The following RTN1 variants were observed in gnomAD, a reference collection of about 807,000 sequenced individuals.
RTN1 encodes reticulon 1.
Under a neutral mutation model 65.5 loss-of-function variants are expected in RTN1, and 25 were observed. The observed-to-expected ratio is 0.38, with a 90% CI of 0.28 to 0.53. The LOEUF (loss-of-function observed/expected upper bound fraction) is 0.53, where lower values mean the gene tolerates loss of function less well. Ranked by LOEUF, RTN1 falls within the 20% of genes least tolerant of loss-of-function variation. RTN1 has a pLI of 0.79. For synonymous variants in RTN1, 471 were observed against 447.6 expected (o/e 1.05, Z -0.66); for missense variants, 983 against 1,025.4 (o/e 0.96, Z 0.57).
At chr14:59,692,648 C>T (rs1277727172) in intron 3 of RTN1, among the ~76,000 whole-genome samples, 2 of 152,050 alleles carry the variant, frequency 1.3e-5, no homozygotes, top group African/African-American at 4.8e-5. Context: ...ATTATATTGC[C>T]CAACTTCAAA....
intron 3 of RTN1, among the ~76,000 whole-genome samples, chr14:59,683,453 G>GA (rs10711795): frequency 9.4e-5 from 14 of 148,706 alleles, no homozygotes; most frequent in Admixed American, 3.4e-4. Context: ...TTAGAAAATT[G>GA]AAAAAAAAAA....
At chr14:59,712,325 G>T (rs1884440785) in intron 3 of RTN1, among the ~76,000 whole-genome samples, 1 of 152,140 alleles carries the variant, frequency 6.6e-6, no homozygotes, top group African/African-American at 2.4e-5. Context: ...AGAAAATACT[G>T]ATCTACAGAT....
intron 3 of RTN1, among the ~76,000 whole-genome samples, chr14:59,677,630 G>A (rs1334634680): frequency 2.6e-5 from 4 of 152,200 alleles, no homozygotes; most frequent in Non-Finnish European, 5.9e-5. Context: ...TTCTGGTCCT[G>A]AGGCGGGAGA....
intron 3 of RTN1, among the ~76,000 whole-genome samples, chr14:59,679,988 G>A (rs1029448784): frequency 3.2e-4 from 48 of 152,128 alleles, no homozygotes; most frequent in African/African-American, 1.1e-3. Flanking sequence ...TTGGTGTGTT[G>A]TGCAACCTCT....
At chr14:59,601,700 T>C (rs1416739390) in intron 8 of RTN1, among the ~76,000 whole-genome samples, 1 of 152,198 alleles carries the variant, frequency 6.6e-6, no homozygotes, top group Non-Finnish European at 1.5e-5. Context: ...TTCTTTGCTA[T>C]AGTTTATGAA....
At chr14:59,749,440 ATATC>A (rs1192708651) in intron 1 of RTN1, among the ~76,000 whole-genome samples, 13 of 102,456 alleles carry the variant, frequency 1.3e-4, no homozygotes, top group African/African-American at 5.4e-4. Context: ...ATATATATCT[ATATC>A]TATATATATC....
At chr14:59,703,869 T>G (rs1173630812) in intron 3 of RTN1, among the ~76,000 whole-genome samples, 2 of 152,222 alleles carry the variant, frequency 1.3e-5, no homozygotes, top group African/African-American at 4.8e-5. Flanking sequence ...AATGGCACAC[T>G]GCTCAGTCAG....
Position 59,794,797 on chromosome 14 carries a change from T to C in RTN1, c.242-48316A>G, listed in dbSNP as rs562664840. ...TAGCATACATCACTTGTAGTCATAGTCTATTGACCAGAGGATGGTTATATG... is the reference window on the plus strand; with the variant it reads ...TAGCATACATCACTTGTAGTCATAGCCTATTGACCAGAGGATGGTTATATG... On this transcript the variant is annotated intron_variant, in intron 1 of 8. Coordinates refer to ENST00000267484, the MANE Select transcript of RTN1 (RefSeq NM_021136.3). This position sits in a 1 kb window ranked among gnomAD's most constrained non-coding sequence, Gnocchi z 5.1. 6.2e-4 allele frequency among the ~76,000 whole-genome samples: 95 copies of C among 152,348 alleles called. No individual in the cohort carries two copies. The South Asian group carries it at 7.7e-3, about 12-fold the overall frequency.
chr14:59,802,654 C>G (rs1272266763), intron 1 of RTN1, among the ~76,000 whole-genome samples: 1 of 152,142 alleles, frequency 6.6e-6, no homozygotes, highest in Non-Finnish European at 1.5e-5. Flanking sequence ...TCTTTAGTTA[C>G]CATTTGCAAT....
At chr14:59,729,631 C>G (rs1370103304) in intron 2 of RTN1, among the ~76,000 whole-genome samples, 7 of 152,214 alleles carry the variant, frequency 4.6e-5, no homozygotes, top group African/African-American at 1.7e-4. Flanking sequence ...AAGAAATATT[C>G]TGTACCTCCA....
At chr14:59,746,631 A>T in intron 1 of RTN1, 150 bp from the exon 2 acceptor site, 1 of 631,652 alleles carries the variant, frequency 1.6e-6, no homozygotes, top group South Asian at 2.2e-5. Flanking sequence ...TCAGAGCACC[A>T]GCATGTTAAA....
At chr14:59,834,513 A>G (rs1395427340) in intron 1 of RTN1, among the ~76,000 whole-genome samples, 1 of 152,232 alleles carries the variant, frequency 6.6e-6, no homozygotes, top group Non-Finnish European at 1.5e-5. Flanking sequence ...AAACTCAATA[A>G]TAAGAAAAAA....
At chr14:59,776,202 G>T (rs1211857778) in intron 1 of RTN1, among the ~76,000 whole-genome samples, 1 of 152,084 alleles carries the variant, frequency 6.6e-6, no homozygotes, top group African/African-American at 2.4e-5. Flanking sequence ...GTCCCCCAAA[G>T]TTCATGTGTT....
chr14:59,773,204 T>G (rs1354164723), intron 1 of RTN1, among the ~76,000 whole-genome samples: 1 of 152,138 alleles, frequency 6.6e-6, no homozygotes, highest in Non-Finnish European at 1.5e-5. Context: ...AATCTAAATC[T>G]ATGAGACATA....
intron 3 of RTN1, among the ~76,000 whole-genome samples, chr14:59,646,516 T>C (rs1457674460): frequency 6.6e-6 from 1 of 152,166 alleles, no homozygotes; most frequent in East Asian, 1.9e-4. Flanking sequence ...AATCAGACTT[T>C]CCAGGGTCAA....
intron 1 of RTN1, among the ~76,000 whole-genome samples, chr14:59,832,880 C>T (rs185721657): frequency 6.6e-6 from 1 of 152,188 alleles, no homozygotes; most frequent in Non-Finnish European, 1.5e-5. Flanking sequence ...TCCCTCCTCT[C>T]CTCACTGCTC....
At chr14:59,645,292 A>G (rs1882866551) in intron 3 of RTN1, among the ~76,000 whole-genome samples, 1 of 152,152 alleles carries the variant, frequency 6.6e-6, no homozygotes, top group Non-Finnish European at 1.5e-5. Context: ...CAGGTGCTGG[A>G]AAATCTGAGG....
intron 3 of RTN1, among the ~76,000 whole-genome samples, chr14:59,608,470 G>T (rs1387434628): frequency 1.3e-5 from 2 of 152,210 alleles, no homozygotes; most frequent in Non-Finnish European, 2.9e-5. Flanking sequence ...TAGCATGAAA[G>T]AACAATATTG....
Position 59,766,221 on chromosome 14 carries a change from C to A in RTN1, c.242-19740G>T, listed in dbSNP as rs1482779216. Among the ~76,000 whole-genome samples, 1 of 113,972 alleles carries A rather than the reference C, an allele frequency of 8.8e-6. No homozygotes were observed. Among genetic ancestry groups the A allele is most frequent in the Non-Finnish European group, 1.8e-5 (1 of 56,436 alleles). The allele number at this position is 113,972 out of a possible 152,430, so 74.8% of individuals were successfully genotyped here. ...CTCCAGCCTGGGTGACAGAGTGAGA[C>A]GCTGTCAAAAAAAAAAAATTCATTA... On this transcript the variant is annotated intron_variant, in intron 1 of 8. Transcript: ENST00000267484. The surrounding 1 kb of genome is among the most constrained non-coding windows in gnomAD (Gnocchi z 4.4).
Sources: gnomAD v4.1 joint callset for allele counts (sites outside exome capture counted in the v4.1 genomes callset) on GRCh38, gnomAD v4.1.1 for gene constraint, Gnocchi (gnomAD v3.1) non-coding constraint, MANE v1.5 for transcripts, NCBI Gene and HGNC (gene_info 2026-07-23, HGNC 2026-07-21) for gene names.